Variants in QKI observed in about 807,000 individuals in gnomAD.
QKI encodes KH domain-containing RNA-binding protein QKI.
Under a neutral mutation model 39.0 loss-of-function variants are expected in QKI, and 10 were observed. The ratio of observed to expected loss-of-function variants is 0.26; its 90% CI spans 0.16 to 0.43. The LOEUF is 0.43. Ranked by LOEUF, QKI falls within the 20% of genes least tolerant of loss-of-function variation. The pLI is 1.00. For missense variants in QKI, 218 were observed against 428.0 expected (o/e 0.51, Z 4.33); for synonymous variants, 204 against 155.4 (o/e 1.31, Z -2.33).
rs1242648080 is a variant in QKI at position 163,415,130 on chromosome 6, C to T, written c.-64C>T. 14 of 1,265,944 alleles carry T rather than the reference C, an allele frequency of 1.1e-5. No homozygotes were observed. The highest frequency in any genetic ancestry group is 5.7e-5 in the Admixed American group (2 of 35,030). The allele number at this position is 1,265,944 out of a possible 1,614,324, so 78.4% of individuals were successfully genotyped here. ...GCCCGCGGCCGGGGCTCGCCCCCGC[C>T]CCTCCCTCCTCTCCGGCGGCGGCGG... On this transcript the variant is annotated 5_prime_UTR_variant, in exon 1 of 8. Coordinates refer to ENST00000361752, the MANE Select transcript of QKI (RefSeq NM_006775.3).
chr6:163,421,438 C>T (rs1787983647), intron 1 of QKI, among the ~76,000 whole-genome samples: 1 of 152,186 alleles, frequency 6.6e-6, no homozygotes, highest in African/African-American at 2.4e-5. Flanking sequence ...AAACTCCCCA[C>T]CCCGTTAGTT....
intron 2 of QKI, among the ~76,000 whole-genome samples, chr6:163,476,775 C>A (rs934878081): frequency 1.3e-5 from 2 of 152,176 alleles, no homozygotes; most frequent in Non-Finnish European, 2.9e-5. Context: ...CTAGAAATGA[C>A]ATTCCAAGCT....
At chr6:163,504,251 G>C (rs1350712620) in intron 3 of QKI, among the ~76,000 whole-genome samples, 1 of 152,016 alleles carries the variant, frequency 6.6e-6, no homozygotes, top group Non-Finnish European at 1.5e-5. Flanking sequence ...TAATGTTTTG[G>C]TTACTGTAGC....
In QKI at chr6:163,566,793, G is replaced by A. The variant is rs1258390251; in HGVS notation, c.1007G>A (p.Arg336Gln). ...TACCAAAGGATTGTGACCGCAGACC[G>A]AGGTTAGTTTAGTTCTGCAGTTCTT... ...HPYQRIVTADRAATGN is the reference protein window; with the variant it reads ...HPYQRIVTADQAATGN The change falls in exon 7 of 8, where the codon CGA becomes CAA. Residue 336 changes from arginine to glutamine, a missense_variant and splice_region_variant. Around this residue, in one of 3 missense-constraint regions of QKI, gnomAD observed 117 missense variants for 186.0 expected, o/e 0.63. Coordinates refer to ENST00000361752, the MANE Select transcript of QKI (RefSeq NM_006775.3). 8 of 1,613,496 alleles carry A rather than the reference G, an allele frequency of 5.0e-6. No homozygotes were observed. Among genetic ancestry groups the A allele is most frequent in the East Asian group, 2.2e-5 (1 of 44,862 alleles).
chr6:163,561,682 C>T (rs1317475449), intron 4 of QKI, among the ~76,000 whole-genome samples: 1 of 152,114 alleles, frequency 6.6e-6, no homozygotes. Context: ...TTAGTCTTAT[C>T]TCACATTTTC....
chr6:163,431,178 C>G (rs1193584299), intron 1 of QKI, among the ~76,000 whole-genome samples: 1 of 151,218 alleles, frequency 6.6e-6, no homozygotes. Context: ...CAAAGTACCC[C>G]TTGGAAAAAA....
At chr6:163,565,761 A>G (rs1235342772) in intron 6 of QKI, 5 of 1,272,238 alleles carry the variant, frequency 3.9e-6, no homozygotes, top group Non-Finnish European at 5.0e-6. Flanking sequence ...TTTCTAAGTT[A>G]TAATAAATTT....
chr6:163,532,981 A>G (rs1004283520), intron 3 of QKI, among the ~76,000 whole-genome samples: 1 of 152,088 alleles, frequency 6.6e-6, no homozygotes, highest in African/African-American at 2.4e-5. Flanking sequence ...ACGTTTTGCC[A>G]GTTTTTTGGT....
chr6:163,568,092 TG>T (rs1783476722), intron 7 of QKI: 1 of 985,308 alleles, frequency 1.0e-6, no homozygotes, highest in African/African-American at 1.7e-5. Context: ...TGGTATTCCT[TG>T]TAAGTGTTCT....
intron 2 of QKI, 116 bp from the exon 3 acceptor site, chr6:163,478,664 T>G: frequency 1.5e-6 from 1 of 689,332 alleles, no homozygotes; most frequent in East Asian, 2.8e-5. Context: ...TTATTTCAAC[T>G]TAGTATTAAA....
intron 1 of QKI, among the ~76,000 whole-genome samples, chr6:163,437,235 C>T (rs985283797): frequency 1.3e-5 from 2 of 151,844 alleles, no homozygotes; most frequent in South Asian, 2.1e-4. Context: ...ACGTGTAACA[C>T]GAAGCTAGAA....
chr6:163,553,530 T>C (rs530139059), intron 4 of QKI, among the ~76,000 whole-genome samples: 3 of 152,254 alleles, frequency 2.0e-5, no homozygotes. Context: ...CAATCAACTT[T>C]GGAGGTGTTT....
At chr6:163,566,254 G>A in intron 6 of QKI, 1 of 1,251,006 alleles carries the variant, frequency 8.0e-7, no homozygotes, top group Non-Finnish European at 1.0e-6. Flanking sequence ...CATACTTATT[G>A]ACTCAGAGTT....
intron 3 of QKI, among the ~76,000 whole-genome samples, chr6:163,501,752 G>A (rs1778777581): frequency 1.3e-5 from 2 of 152,188 alleles, no homozygotes; most frequent in Admixed American, 6.5e-5. Context: ...TGTTAATTAC[G>A]TACTTTATGT....
chr6:163,476,399 C>CTT (rs986927006), intron 2 of QKI, among the ~76,000 whole-genome samples: 91 of 151,540 alleles, frequency 6.0e-4, no homozygotes, highest in African/African-American at 2.2e-3. Flanking sequence ...CTTCTTGAAC[C>CTT]TTTGGTGAAC....
At chr6:163,543,860 T>C (rs532927650) in intron 4 of QKI, among the ~76,000 whole-genome samples, 1 of 152,180 alleles carries the variant, frequency 6.6e-6, no homozygotes, top group Admixed American at 6.5e-5. Flanking sequence ...CAACTCTAGA[T>C]ATAAATTTCC....
At chr6:163,434,466 G>C (rs1789087523) in intron 1 of QKI, among the ~76,000 whole-genome samples, 1 of 152,054 alleles carries the variant, frequency 6.6e-6, no homozygotes, top group African/African-American at 2.4e-5. Flanking sequence ...TATTAATCTT[G>C]GCACTTTGGG....
chr6:163,559,700 G>A (rs906475005), intron 4 of QKI, among the ~76,000 whole-genome samples: 2 of 152,010 alleles, frequency 1.3e-5, no homozygotes, highest in Non-Finnish European at 2.9e-5. Context: ...TTTAATTCTT[G>A]TGATTTACTA....
rs183518213 is a variant in QKI, at chr6:163,568,365, A to G, written c.1009+1570A>G. On this transcript the variant is annotated intron_variant, in intron 7 of 7. Coordinates refer to ENST00000361752, the MANE Select transcript of QKI (RefSeq NM_006775.3). Reference sequence around the variant, plus strand: ...TACTCCAGTGCCTTGAGATAGTTGGACATATTTTAGGAAGATTTTATTGTA... The same window carrying G: ...TACTCCAGTGCCTTGAGATAGTTGGGCATATTTTAGGAAGATTTTATTGTA... The G allele has an allele frequency of 6.2e-3, 6,146 of 985,566 alleles. 39 individuals are homozygous for G. The highest frequency in any genetic ancestry group is 6.5e-3 in the Non-Finnish European group (5,393 of 829,680). 61.1% of individuals were successfully genotyped at this position (985,566 alleles called of 1,614,324 possible).
Sources: gnomAD v4.1 joint callset for allele counts (sites outside exome capture counted in the v4.1 genomes callset) on GRCh38, gnomAD v4.1.1 for gene constraint, gnomAD v4.1.1 regional missense constraint, MANE v1.5 for transcripts, NCBI Gene and HGNC (gene_info 2026-07-23, HGNC 2026-07-21) for gene names.